The following HSPA9 variants were observed in gnomAD, a reference collection of about 807,000 sequenced individuals.
HSPA9 encodes stress-70 protein, mitochondrial.
In HSPA9, 28 loss-of-function variants were observed where a neutral mutation model predicts 81.5. The ratio of observed to expected loss-of-function variants is 0.34; its 90% CI spans 0.25 to 0.47. The LOEUF (loss-of-function observed/expected upper bound fraction) is 0.47. Ranked by LOEUF, HSPA9 falls within the 20% of genes least tolerant of loss-of-function variation. HSPA9 has a pLI of 1.00. For synonymous variants in HSPA9, 293 were observed against 290.4 expected (o/e 1.01, Z -0.09); for missense variants, 678 against 838.0 (o/e 0.81, Z 2.36).
intron 4 of HSPA9, among the ~76,000 whole-genome samples, chr5:138,570,412 T>C (rs1045114960): frequency 6.6e-6 from 1 of 152,170 alleles, no homozygotes; most frequent in Non-Finnish European, 1.5e-5. Context: ...AACACTGAAC[T>C]ATGTGGTTTA....
At chr5:138,559,538 C>T (rs944330386) in intron 11 of HSPA9, among the ~76,000 whole-genome samples, 3 of 152,184 alleles carry the variant, frequency 2.0e-5, no homozygotes, top group Non-Finnish European at 2.9e-5. Context: ...ACCCTTTTTA[C>T]TGTCTTTGAG....
chr5:138,575,058 G>A (rs1382594305), intron 1 of HSPA9, 180 bp downstream of exon 1: 19 of 614,968 alleles, frequency 3.1e-5, no homozygotes, highest in Middle Eastern at 4.4e-4. Flanking sequence ...CAAGCCGGAG[G>A]CAAAACCTTG....
Position 138,559,895 on chromosome 5 carries a change from C to T in HSPA9, c.1379G>A (p.Arg460Lys). ...CTTCTTGGTTGGAATAGTGGTATTCCTATTAATAAGTTTGGTAAAGACACC... is the reference window on the plus strand; with the variant it reads ...CTTCTTGGTTGGAATAGTGGTATTCTTATTAATAAGTTTGGTAAAGACACC... Reference protein sequence around the residue: ...LGGVFTKLINRNTTIPTKKSQ... With the variant: ...LGGVFTKLINKNTTIPTKKSQ... Residue 460 changes from arginine to lysine, a missense_variant, in exon 11 of 17, where the codon AGG (arginine) becomes AAG (lysine). Physicochemically the swap from Arg to Lys is conservative, Grantham distance 26. Coordinates refer to ENST00000297185, the MANE Select transcript of HSPA9 (RefSeq NM_004134.7). 1 of 1,613,642 alleles carries T rather than the reference C, an allele frequency of 6.2e-7. No individual in the cohort carries two copies. The highest frequency in any genetic ancestry group is 8.5e-7 in the Non-Finnish European group (1 of 1,179,632).
intron 5 of HSPA9, 58 bp from the exon 6 acceptor site, chr5:138,567,780 C>T (rs1561860339): frequency 2.4e-6 from 3 of 1,246,114 alleles, no homozygotes; most frequent in South Asian, 1.2e-5. Flanking sequence ...ATTAATATAG[C>T]CCAACAACCT....
intron 10 of HSPA9, among the ~76,000 whole-genome samples, chr5:138,560,305 G>A (rs1229681218): frequency 1.3e-5 from 2 of 152,124 alleles, no homozygotes; most frequent in African/African-American, 4.8e-5. Flanking sequence ...TCTCCTTCAT[G>A]ACCCTTGTAA....
At chr5:138,561,934 A>C in intron 9 of HSPA9, 145 bp from the exon 10 acceptor site, 13 of 700,966 alleles carry the variant, frequency 1.9e-5, no homozygotes, top group South Asian at 4.7e-5. Context: ...ATGAATAGTC[A>C]CCAAGAATAC....
chr5:138,570,244 G>A (rs546501680), intron 4 of HSPA9, among the ~76,000 whole-genome samples: 1 of 152,212 alleles, frequency 6.6e-6, no homozygotes, highest in Non-Finnish European at 1.5e-5. Context: ...GGAGGCTGGG[G>A]TGGAAGGGTC....
At chr5:138,563,594 G>C (rs1320888655) in intron 9 of HSPA9, among the ~76,000 whole-genome samples, 1 of 152,102 alleles carries the variant, frequency 6.6e-6, no homozygotes, top group Non-Finnish European at 1.5e-5. Flanking sequence ...CCAGCCAAAG[G>C]GCTTTTCACA....
chr5:138,571,604 A>G (rs1048785024), intron 3 of HSPA9, among the ~76,000 whole-genome samples: 3 of 152,026 alleles, frequency 2.0e-5, no homozygotes, highest in Non-Finnish European at 4.4e-5. Flanking sequence ...TGAACAGTAG[A>G]TATTTAGTTA....
At position 138,554,262 on chromosome 5, in the gene HSPA9, A is replaced by C. The variant is rs958864024; in HGVS notation, c.*1775T>G. 6.6e-6 allele frequency among the ~76,000 whole-genome samples: 1 copy of C among 152,248 alleles called. No homozygotes were observed. Among genetic ancestry groups the C allele is most frequent in the Non-Finnish European group, 1.5e-5 (1 of 68,036 alleles). On this transcript the variant is annotated 3_prime_UTR_variant, in exon 17 of 17. Coordinates refer to ENST00000297185, the MANE Select transcript of HSPA9 (RefSeq NM_004134.7). ...CATTTGGCTCCTCTCTCTGATCCCAAGGATGAATCTTGACTAGCATTAAGC... is the reference window on the plus strand; with the variant it reads ...CATTTGGCTCCTCTCTCTGATCCCACGGATGAATCTTGACTAGCATTAAGC...
intron 1 of HSPA9, among the ~76,000 whole-genome samples, chr5:138,574,546 G>A (rs867921525): frequency 6.6e-6 from 1 of 152,112 alleles, no homozygotes; most frequent in African/African-American, 2.4e-5. Context: ...AGTTACTAAG[G>A]GTCTTTGAAA....
rs774472852 is a variant in HSPA9, at chr5:138,573,753, T to C, written c.228+10A>G. 6.5e-7 allele frequency: 1 copy of C among 1,535,440 alleles called. No homozygotes were observed. The highest frequency in any genetic ancestry group is 8.9e-7 in the Non-Finnish European group (1 of 1,119,566). On this transcript the variant is annotated intron_variant, in intron 3 of 16. Coordinates refer to ENST00000297185, the MANE Select transcript of HSPA9 (RefSeq NM_004134.7). ...TTCTGGATAAGGTACTAGTTATCAA[T>C]CATGCTCACCTTTGCTTGTTTACCT...
intron 9 of HSPA9, among the ~76,000 whole-genome samples, chr5:138,562,318 G>A (rs1208109557): frequency 1.3e-5 from 2 of 150,732 alleles, no homozygotes; most frequent in African/African-American, 4.9e-5. Flanking sequence ...GGGAGGGCGA[G>A]GCGGGTGGAT....
chr5:138,574,857 G>C (rs1751049895), intron 1 of HSPA9: 1 of 227,362 alleles, frequency 4.4e-6, no homozygotes, highest in Admixed American at 5.3e-5. Context: ...GTATCAACGG[G>C]ATCCTTACAC....
chr5:138,575,370 G>A lies in HSPA9; in HGVS notation c.-52C>T, dbSNP rs541441367. The A allele has an allele frequency of 3.4e-6, 5 of 1,464,956 alleles. No individual in the cohort carries two copies. The highest frequency in any genetic ancestry group is 1.2e-5 in the South Asian group (1 of 86,402). The allele number at this position is 1,464,956 out of a possible 1,614,324, so 90.7% of individuals were successfully genotyped here. ...AGCAAACAAGCGCTCCGACGGCAAA[G>A]AGCTGCGCGATGCGGTGGCGGCAGC... On this transcript the variant is annotated 5_prime_UTR_variant, in exon 1 of 17. Coordinates refer to ENST00000297185, the MANE Select transcript of HSPA9 (RefSeq NM_004134.7).
At chr5:138,575,156 A>C in intron 1 of HSPA9, 82 bp downstream of exon 1, 3 of 963,704 alleles carry the variant, frequency 3.1e-6, no homozygotes, top group Non-Finnish European at 4.9e-6. Flanking sequence ...CAAACCCTAA[A>C]GGGCGCGCGG....
intron 5 of HSPA9, among the ~76,000 whole-genome samples, chr5:138,568,050 T>C (rs950043647): frequency 6.6e-6 from 1 of 152,042 alleles, no homozygotes; most frequent in Non-Finnish European, 1.5e-5. Context: ...TCAGGCATGG[T>C]GGCGCATGCC....
In HSPA9 at chr5:138,575,329, T is replaced by G; in HGVS notation, c.-11A>C. On this transcript the variant is annotated 5_prime_UTR_variant, in exon 1 of 17. Transcript: ENST00000297185. The stretch of plus-strand genomic sequence containing the variant: ...GCTGGCACTTATCATGGCGGATAAA[T>G]GGAGGAGTACGAGGCAGCAAACAAG... 2 of 1,607,732 alleles carry G rather than the reference T, an allele frequency of 1.2e-6. No homozygotes were observed. Among genetic ancestry groups the G allele is most frequent in the Non-Finnish European group, 1.7e-6 (2 of 1,176,740 alleles).
At chr5:138,568,054 G>A (rs1750802267) in intron 5 of HSPA9, among the ~76,000 whole-genome samples, 1 of 152,000 alleles carries the variant, frequency 6.6e-6, no homozygotes. Context: ...GCATGGTGGC[G>A]CATGCCTGTC....
Sources: allele counts gnomAD v4.1 joint callset (sites outside exome capture counted in the v4.1 genomes callset), GRCh38; gene constraint gnomAD v4.1.1; transcripts MANE v1.5; gene names NCBI Gene and HGNC (gene_info 2026-07-23, HGNC 2026-07-21).